The following RAP1GAP2 variants were observed in gnomAD, a reference collection of about 807,000 sequenced individuals.
The protein encoded by RAP1GAP2 is rap1 GTPase-activating protein 2.
Under a neutral mutation model 95.0 loss-of-function variants are expected in RAP1GAP2, and 27 were observed. The ratio of observed to expected loss-of-function variants is 0.28; its 90% confidence interval spans 0.21 to 0.39. The LOEUF is 0.39. Among genes scored for constraint, RAP1GAP2 ranks in the 10% least tolerant of loss-of-function variants. The probability of loss-of-function intolerance (pLI) is 1.00; values close to 1 mark genes in which losing one functional copy is unlikely to be tolerated. For synonymous variants in RAP1GAP2, 373 were observed against 380.9 expected (o/e 0.98, Z 0.24); for missense variants, 771 against 970.0 (o/e 0.79, Z 2.72).
At chr17:3,002,665 AAAG>A (rs1263564841) in intron 14 of RAP1GAP2, among the ~76,000 whole-genome samples, 1 of 152,130 alleles carries the variant, frequency 6.6e-6, no homozygotes, top group Non-Finnish European at 1.5e-5. Context: ...TGAGCTGAAG[AAAG>A]AAGAGTATAA....
intron 11 of RAP1GAP2, among the ~76,000 whole-genome samples, chr17:2,988,975 C>T (rs111432784): frequency 2.6e-5 from 4 of 152,174 alleles, no homozygotes; most frequent in South Asian, 4.1e-4. Context: ...AGGAGAATCG[C>T]TTGAACCTGG....
At chr17:2,865,507 A>G (rs918631292) in intron 2 of RAP1GAP2, among the ~76,000 whole-genome samples, 7 of 152,214 alleles carry the variant, frequency 4.6e-5, no homozygotes, top group African/African-American at 1.4e-4. Context: ...ATGAACTGGA[A>G]GGTCCCGGCT....
intron 2 of RAP1GAP2, among the ~76,000 whole-genome samples, chr17:2,876,025 C>T (rs9898612): frequency 0.014 from 2,107 of 151,608 alleles, 53 homozygotes; most frequent in African/African-American, 0.048. Context: ...ACAATCTCCG[C>T]CCCCCGGGTT....
chr17:2,821,337 C>T (rs1393516618), intron 2 of RAP1GAP2, among the ~76,000 whole-genome samples: 4 of 151,516 alleles, frequency 2.6e-5, no homozygotes, highest in Non-Finnish European at 5.9e-5. Context: ...TGACCCATCA[C>T]CCAAAATGTT....
intron 2 of RAP1GAP2, among the ~76,000 whole-genome samples, chr17:2,844,867 A>G (rs1407207894): frequency 2.0e-5 from 3 of 152,200 alleles, no homozygotes; most frequent in Non-Finnish European, 4.4e-5. Context: ...AATTCAGACA[A>G]CAGGGAAATA....
chr17:2,996,213 T>G (rs1567872230), intron 13 of RAP1GAP2, among the ~76,000 whole-genome samples: 1 of 152,048 alleles, frequency 6.6e-6, no homozygotes, highest in Non-Finnish European at 1.5e-5. Context: ...TGACCTCCAC[T>G]AGGGAGACCT....
rs1425831848 is a variant in RAP1GAP2, at chr17:3,008,772, A to G, written c.1494+627A>G. Among the ~76,000 whole-genome samples, 1 of 152,164 alleles carries G rather than the reference A, an allele frequency of 6.6e-6. No homozygotes were observed. Among genetic ancestry groups the G allele is most frequent in the Non-Finnish European group, 1.5e-5 (1 of 68,028 alleles). Reference sequence around the variant, plus strand: ...AGCTGGCGTGTGGTAGAGGTTTTTCATCTTATGCTTGCTGAGTGCTTGTTG... The same window carrying G: ...AGCTGGCGTGTGGTAGAGGTTTTTCGTCTTATGCTTGCTGAGTGCTTGTTG... On this transcript the variant is annotated intron_variant, in intron 17 of 24. Coordinates refer to ENST00000254695, the MANE Select transcript of RAP1GAP2 (RefSeq NM_015085.5). This position sits in a 1 kb window ranked among gnomAD's most constrained non-coding sequence, Gnocchi z 4.2.
chr17:3,026,485 C>A, intron 21 of RAP1GAP2, 21 bp downstream of exon 21: 1 of 1,518,832 alleles, frequency 6.6e-7, no homozygotes. Flanking sequence ...CCCGTCCACC[C>A]TTGGGCAGGC....
At position 2,962,704 on chromosome 17, in the gene RAP1GAP2, A is replaced by G. The variant is rs769139751; in HGVS notation, c.236A>G (p.Gln79Arg). ...CTTGAAGAGCAGAAGCCGGGACCCC[A>G]GAAGAACAAGGTGGGCTGGGTGGGT... ...IKLEEQKPGP[Q>R]KNKDDYIPYP... Residue 79 changes from glutamine (Q) to arginine (R), a missense_variant, in exon 5 of 25, where the codon CAG becomes CGG. Physicochemically the swap from Gln to Arg is conservative, Grantham distance 43 (BLOSUM62 1). Transcript: ENST00000254695. 5 of 1,595,188 alleles carry G rather than the reference A, an allele frequency of 3.1e-6. No individual in the cohort carries two copies. The East Asian group carries it at 6.8e-5, about 22-fold the overall frequency.
chr17:2,995,251 T>A lies in RAP1GAP2; in HGVS notation c.915-86T>A. The A allele has an allele frequency of 2.7e-6, 4 of 1,470,614 alleles. No individual in the cohort carries two copies. In the South Asian group the frequency reaches 4.8e-5, roughly 17 times the overall value. 91.1% of individuals were successfully genotyped at this position (1,470,614 alleles called of 1,614,324 possible). A position where few individuals can be genotyped will look rare whatever the true frequency, so the allele number is the denominator to read the frequency against. On this transcript the variant is annotated intron_variant, in intron 12 of 24. Transcript: ENST00000254695. ...GTCTCCTCTGCTGCGTATCCTCTGC[T>A]GCGTATACTTAGGGGAGCTTGCATT...
intron 2 of RAP1GAP2, among the ~76,000 whole-genome samples, chr17:2,814,407 C>T (rs908628279): frequency 2.6e-5 from 4 of 152,168 alleles, no homozygotes; most frequent in African/African-American, 9.6e-5. Flanking sequence ...CCTTCCCTGT[C>T]AGCATCAGGG....
At chr17:2,858,370 T>C (rs1002637766) in intron 2 of RAP1GAP2, among the ~76,000 whole-genome samples, 1 of 152,140 alleles carries the variant, frequency 6.6e-6, no homozygotes, top group Non-Finnish European at 1.5e-5. Context: ...TGGTGGGTTA[T>C]TCCTGGGTAG....
At chr17:2,820,448 C>T (rs1400893465) in intron 2 of RAP1GAP2, among the ~76,000 whole-genome samples, 1 of 151,936 alleles carries the variant, frequency 6.6e-6, no homozygotes, top group Non-Finnish European at 1.5e-5. Context: ...TGGCAAAACC[C>T]CGTCTCTACT....
chr17:2,880,900 G>C (rs2073260229), intron 2 of RAP1GAP2, among the ~76,000 whole-genome samples: 1 of 152,174 alleles, frequency 6.6e-6, no homozygotes, highest in South Asian at 2.1e-4. Context: ...GCCGAGGCGG[G>C]TGGATCATTT....
At chr17:2,813,360 C>T (rs547108708) in intron 2 of RAP1GAP2, among the ~76,000 whole-genome samples, 99 of 152,256 alleles carry the variant, frequency 6.5e-4, no homozygotes, top group African/African-American at 2.2e-3. Context: ...CAGGCGTGAG[C>T]TGCGGTGCCC....
At chr17:2,919,636 T>C (rs2042684486) in intron 3 of RAP1GAP2, among the ~76,000 whole-genome samples, 1 of 151,764 alleles carries the variant, frequency 6.6e-6, no homozygotes. Context: ...GTCTGGGGGG[T>C]CTGGGCTGAT....
intron 2 of RAP1GAP2, among the ~76,000 whole-genome samples, chr17:2,872,129 G>A (rs1023137044): frequency 7.0e-6 from 1 of 143,390 alleles, no homozygotes; most frequent in African/African-American, 2.6e-5. Context: ...CAGGAGAATC[G>A]CTTGAACCCA....
chr17:2,780,067 T>C (rs2151445402), intron 1 of RAP1GAP2, among the ~76,000 whole-genome samples: 1 of 152,216 alleles, frequency 6.6e-6, no homozygotes, highest in South Asian at 2.1e-4. Context: ...TCCTTTTTTT[T>C]GAGATGGAGT....
intron 2 of RAP1GAP2, among the ~76,000 whole-genome samples, chr17:2,886,038 G>T (rs2073485452): frequency 6.6e-6 from 1 of 152,098 alleles, no homozygotes. Context: ...CGCATGAGAA[G>T]AGCAGAAGGC....
Sources: gnomAD v4.1 joint callset for allele counts (sites outside exome capture counted in the v4.1 genomes callset) on GRCh38, gnomAD v4.1.1 for gene constraint, Gnocchi (gnomAD v3.1) non-coding constraint, MANE v1.5 for transcripts, NCBI Gene and HGNC (gene_info 2026-07-23, HGNC 2026-07-21) for gene names.